Variants in CTIF observed in about 807,000 individuals in gnomAD.
CTIF encodes the protein cap binding complex dependent translation initiation factor.
In CTIF, 21 loss-of-function variants were observed where a neutral mutation model predicts 66.0. The observed-to-expected ratio is 0.32, with a 90% CI of 0.23 to 0.46. The LOEUF is 0.46. CTIF is among the 20% of genes least tolerant of loss of function. CTIF has a pLI of 1.00. For synonymous variants in CTIF, 345 were observed against 326.4 expected, an observed-to-expected ratio of 1.06 and a Z score of -0.62; for missense variants, 739 against 812.7, an observed-to-expected ratio of 0.91 and a Z score of 1.10.
intron 2 of CTIF, among the ~76,000 whole-genome samples, chr18:48,628,606 C>G (rs1381808625): frequency 6.6e-6 from 1 of 152,130 alleles, no homozygotes; most frequent in Non-Finnish European, 1.5e-5. Flanking sequence ...ATCCTCTCTG[C>G]TATTGGTAGA....
chr18:48,840,321 G>A (rs796791951), intron 10 of CTIF, among the ~76,000 whole-genome samples: 9 of 152,294 alleles, frequency 5.9e-5, no homozygotes, highest in African/African-American at 1.7e-4. Flanking sequence ...GTGGCCCAGC[G>A]AGCCGCCTGA....
intron 1 of CTIF, among the ~76,000 whole-genome samples, chr18:48,576,081 G>A (rs2089524590): frequency 6.6e-6 from 1 of 152,250 alleles, no homozygotes; most frequent in Non-Finnish European, 1.5e-5. Flanking sequence ...CCCGGTCCTC[G>A]GGCAGCGGCG....
At chr18:48,843,181 T>C (rs2068987838) in intron 10 of CTIF, among the ~76,000 whole-genome samples, 1 of 151,320 alleles carries the variant, frequency 6.6e-6, no homozygotes, top group African/African-American at 2.4e-5. Context: ...TACAGTGCAG[T>C]CCTTCCTGGA....
At chr18:48,596,817 C>T (rs1440057264) in intron 1 of CTIF, among the ~76,000 whole-genome samples, 1 of 152,178 alleles carries the variant, frequency 6.6e-6, no homozygotes, top group Non-Finnish European at 1.5e-5. Flanking sequence ...TCCCTTTACA[C>T]CTCATTGGTC....
intron 9 of CTIF, among the ~76,000 whole-genome samples, chr18:48,797,661 G>T (rs1402322991): frequency 6.6e-6 from 1 of 151,824 alleles, no homozygotes; most frequent in Non-Finnish European, 1.5e-5. Flanking sequence ...ATTCTGGGGT[G>T]GGGGGATGCT....
At chr18:48,823,976 C>CCACACACACACACACACA (rs35554666) in intron 10 of CTIF, among the ~76,000 whole-genome samples, 1 of 124,104 alleles carries the variant, frequency 8.1e-6, no homozygotes, top group East Asian at 2.5e-4. Flanking sequence ...CCTAAAGACT[C>CCACACACACACACACACA]CACACACACA....
chr18:48,733,414 A>C (rs548389393), intron 7 of CTIF, among the ~76,000 whole-genome samples: 70 of 152,288 alleles, frequency 4.6e-4, no homozygotes, highest in Non-Finnish European at 5.7e-4. Context: ...GGGCTAGCTG[A>C]GCTCTTTGCT....
intron 7 of CTIF, among the ~76,000 whole-genome samples, chr18:48,747,041 G>A (rs998622485): frequency 2.6e-5 from 4 of 152,068 alleles, no homozygotes; most frequent in African/African-American, 9.7e-5. Context: ...CCCAAGGGCG[G>A]GAACCATATG....
rs780341617 is a variant in CTIF, at chr18:48,860,201, A to G, written c.*642A>G. On this transcript the variant is annotated 3_prime_UTR_variant, in exon 12 of 12. Coordinates refer to ENST00000256413, the MANE Select transcript of CTIF (RefSeq NM_014772.3). ...CCCACAGCCTCAGGCCTAGGGGGTCAGGCGCAGCGGGGGAGATGGAGTTTG... is the reference window on the plus strand; with the variant it reads ...CCCACAGCCTCAGGCCTAGGGGGTCGGGCGCAGCGGGGGAGATGGAGTTTG... The G allele has an allele frequency of 1.5e-5, 5 of 341,940 alleles. No individual in the cohort carries two copies. Among genetic ancestry groups the G allele is most frequent in the Non-Finnish European group, 2.9e-5 (5 of 171,682 alleles). The allele number at this position is 341,940 out of a possible 1,614,324, so 21.2% of individuals were successfully genotyped here.
At chr18:48,622,879 C>T (rs2090521767) in intron 2 of CTIF, among the ~76,000 whole-genome samples, 1 of 152,154 alleles carries the variant, frequency 6.6e-6, no homozygotes, top group African/African-American at 2.4e-5. Context: ...TGTGTGGCAT[C>T]CAGGCCTGCA....
At chr18:48,763,668 G>A (rs973442351) in intron 9 of CTIF, among the ~76,000 whole-genome samples, 7 of 152,196 alleles carry the variant, frequency 4.6e-5, no homozygotes, top group South Asian at 4.1e-4. Context: ...GACCTGATTC[G>A]TTTGTCATCC....
chr18:48,639,157 G>T (rs1471638167), intron 3 of CTIF, among the ~76,000 whole-genome samples: 2 of 152,246 alleles, frequency 1.3e-5, no homozygotes, highest in Admixed American at 1.3e-4. Context: ...GGAAGGGAAG[G>T]CTCAGTCAGA....
intron 7 of CTIF, among the ~76,000 whole-genome samples, chr18:48,747,964 A>G (rs1052608546): frequency 6.7e-4 from 102 of 151,660 alleles, no homozygotes; most frequent in African/African-American, 2.4e-3. Flanking sequence ...ATTTAACAAA[A>G]AAAAGGAGGT....
At chr18:48,663,526 C>A (rs551160620) in intron 3 of CTIF, among the ~76,000 whole-genome samples, 98 of 152,140 alleles carry the variant, frequency 6.4e-4, no homozygotes, top group African/African-American at 1.8e-3. Flanking sequence ...CAGCAGGGGC[C>A]TGGACCCTTC....
intron 5 of CTIF, among the ~76,000 whole-genome samples, chr18:48,665,628 C>T (rs914209781): frequency 1.1e-4 from 17 of 152,180 alleles, no homozygotes; most frequent in African/African-American, 4.1e-4. Flanking sequence ...ACTAGGCAAT[C>T]ATTCCCCATC....
At chr18:48,631,897 A>T (rs772021581) in intron 2 of CTIF, among the ~76,000 whole-genome samples, 1 of 152,204 alleles carries the variant, frequency 6.6e-6, no homozygotes, top group Non-Finnish European at 1.5e-5. Context: ...TGGGATTTCA[A>T]GCCCTGGCCC....
chr18:48,809,703 C>A (rs1054165203), intron 9 of CTIF, among the ~76,000 whole-genome samples: 2 of 151,924 alleles, frequency 1.3e-5, no homozygotes, highest in Admixed American at 1.3e-4. Flanking sequence ...AAAGGTAATT[C>A]TTTCATAACT....
chr18:48,543,204 A>AGAT (rs1725750571), intron 1 of CTIF, among the ~76,000 whole-genome samples: 1 of 152,214 alleles, frequency 6.6e-6, no homozygotes. Context: ...AGGAGGCAGG[A>AGAT]GATGGGTGGT....
At chr18:48,819,935 G>A (rs2068447814) in intron 10 of CTIF, among the ~76,000 whole-genome samples, 1 of 152,240 alleles carries the variant, frequency 6.6e-6, no homozygotes, top group South Asian at 2.1e-4. Flanking sequence ...GCAAGGCATG[G>A]AGAGACAGCT....
Sources: gnomAD v4.1 joint callset for allele counts (sites outside exome capture counted in the v4.1 genomes callset) on GRCh38, gnomAD v4.1.1 for gene constraint, MANE v1.5 for transcripts, NCBI Gene and HGNC (gene_info 2026-07-23, HGNC 2026-07-21) for gene names.